PTPN1: variants seen among roughly 807,000 people sequenced by gnomAD.
PTPN1 encodes the protein tyrosine-protein phosphatase non-receptor type 1.
A neutral mutation model predicts 59.9 loss-of-function variants in PTPN1; 12 were observed. That is an observed-to-expected ratio of 0.20 (90% CI 0.13 to 0.32). The LOEUF is 0.32. Ranked by LOEUF, PTPN1 falls within the 10% of genes least tolerant of loss-of-function variation. The pLI, the probability that PTPN1 is intolerant of heterozygous loss-of-function variation, is 1.00. For synonymous variants in PTPN1, 178 were observed against 203.6 expected (o/e 0.87, Z 1.07); for missense variants, 356 against 549.2 (o/e 0.65, Z 3.52).
intron 4 of PTPN1, 143 bp from the exon 5 acceptor site, chr20:50,574,374 C>T (rs775377289): frequency 5.9e-5 from 48 of 811,642 alleles, no homozygotes; most frequent in Non-Finnish European, 8.1e-5. Flanking sequence ...ATGAGGCAGG[C>T]ATCTGTGCTG....
chr20:50,541,263 C>T (rs925560409), intron 1 of PTPN1, among the ~76,000 whole-genome samples: 11 of 152,174 alleles, frequency 7.2e-5, no homozygotes, highest in Non-Finnish European at 1.0e-4. Context: ...CTTTCTTATG[C>T]GGTTCTTATT....
chr20:50,549,933 A>G (rs1480500759), intron 1 of PTPN1, among the ~76,000 whole-genome samples: 1 of 152,124 alleles, frequency 6.6e-6, no homozygotes, highest in Non-Finnish European at 1.5e-5. Flanking sequence ...ACCTCTGATG[A>G]TTTGTATATT....
intron 2 of PTPN1, among the ~76,000 whole-genome samples, chr20:50,563,969 A>G (rs2082766318): frequency 6.6e-6 from 1 of 152,038 alleles, no homozygotes; most frequent in Non-Finnish European, 1.5e-5. Flanking sequence ...AATTTAATAT[A>G]CTTTCAGTGT....
chr20:50,550,485 G>C (rs2082697584), intron 1 of PTPN1, among the ~76,000 whole-genome samples: 1 of 152,242 alleles, frequency 6.6e-6, no homozygotes, highest in African/African-American at 2.4e-5. Flanking sequence ...TCAGAAGGCT[G>C]TGTGGGTCAA....
At chr20:50,526,834 C>A (rs529715509) in intron 1 of PTPN1, among the ~76,000 whole-genome samples, 1 of 152,266 alleles carries the variant, frequency 6.6e-6, no homozygotes, top group African/African-American at 2.4e-5. Flanking sequence ...TACCTACCAC[C>A]TCTAGCCCTG....
In PTPN1 at chr20:50,585,036, TAAC is replaced by T. The variant is rs1555833070; in HGVS notation, c.*2324_*2326del. The stretch of plus-strand genomic sequence containing the variant: ...GCCTGTGTAGGGCCCTCAGATAACT[TAAC>T]AAACTTACCAGTGTTGTTTGAAGAA... On this transcript the variant is annotated 3_prime_UTR_variant, in exon 10 of 10. Transcript: ENST00000371621. The T allele has an allele frequency of 1.3e-5, 2 of 152,166 alleles. No individual in the cohort carries two copies. Among genetic ancestry groups the T allele is most frequent in the Non-Finnish European group, 1.5e-5 (1 of 68,022 alleles). 9.4% of individuals were successfully genotyped at this position (152,166 alleles called of 1,614,324 possible).
chr20:50,542,810 G>C (rs563580463), intron 1 of PTPN1, among the ~76,000 whole-genome samples: 2 of 152,294 alleles, frequency 1.3e-5, no homozygotes, highest in East Asian at 3.9e-4. Flanking sequence ...CCATTGTATA[G>C]ACAATTTATT....
chr20:50,574,252 T>C (rs1302712797), intron 4 of PTPN1: 2 of 437,386 alleles, frequency 4.6e-6, no homozygotes, highest in Non-Finnish European at 8.0e-6. Flanking sequence ...GTCAGAGCCC[T>C]GCAGGATCCC....
At chr20:50,516,264 G>A (rs1380720265) in intron 1 of PTPN1, among the ~76,000 whole-genome samples, 1 of 150,220 alleles carries the variant, frequency 6.7e-6, no homozygotes, top group African/African-American at 2.5e-5. Flanking sequence ...GACATTCTTT[G>A]GCCTTTGATC....
At chr20:50,579,510 G>C (rs2082854595) in intron 7 of PTPN1, among the ~76,000 whole-genome samples, 181 bp downstream of exon 7, 1 of 152,248 alleles carries the variant, frequency 6.6e-6, no homozygotes, top group African/African-American at 2.4e-5. Flanking sequence ...TGCCTTTGAA[G>C]TGCTCACATA....
At chr20:50,518,105 T>C (rs2082536905) in intron 1 of PTPN1, among the ~76,000 whole-genome samples, 1 of 152,228 alleles carries the variant, frequency 6.6e-6, no homozygotes, top group African/African-American at 2.4e-5. Flanking sequence ...TTTTTTCCTT[T>C]CTTAATGGAT....
At chr20:50,555,544 A>C (rs2082722498) in intron 1 of PTPN1, among the ~76,000 whole-genome samples, 1 of 152,220 alleles carries the variant, frequency 6.6e-6, no homozygotes. Flanking sequence ...TATTATTTGT[A>C]AAATATACCT....
At chr20:50,544,527 A>G (rs142640918) in intron 1 of PTPN1, among the ~76,000 whole-genome samples, 29 of 152,326 alleles carry the variant, frequency 1.9e-4, no homozygotes, top group Admixed American at 1.9e-3. Flanking sequence ...TGATGGTTTT[A>G]AAATACGTAA....
chr20:50,572,051 A>T (rs1287288506), intron 4 of PTPN1: 1 of 152,250 alleles, frequency 6.6e-6, no homozygotes, highest in Non-Finnish European at 1.5e-5. Flanking sequence ...ATTACCCGTC[A>T]CAGGGTTACT....
chr20:50,580,593 A>C (rs899972670), intron 8 of PTPN1, among the ~76,000 whole-genome samples: 7 of 152,204 alleles, frequency 4.6e-5, no homozygotes, highest in Non-Finnish European at 1.0e-4. Flanking sequence ...CAGAATGAGC[A>C]GGTGTTAGTT....
intron 2 of PTPN1, among the ~76,000 whole-genome samples, chr20:50,562,014 C>T (rs1037001901): frequency 1.3e-5 from 2 of 152,186 alleles, no homozygotes; most frequent in Non-Finnish European, 2.9e-5. Context: ...TGTCCGCCTT[C>T]TGAGTGATTG....
chr20:50,551,321 G>C (rs1473162403), intron 1 of PTPN1, among the ~76,000 whole-genome samples: 1 of 152,212 alleles, frequency 6.6e-6, no homozygotes, highest in African/African-American at 2.4e-5. Flanking sequence ...CAGCTCAGCA[G>C]ATGCTTTGTT....
chr20:50,539,201 A>C (rs1305344034), intron 1 of PTPN1, among the ~76,000 whole-genome samples: 1 of 144,602 alleles, frequency 6.9e-6, no homozygotes, highest in Non-Finnish European at 1.5e-5. Flanking sequence ...ACCCCTGGCA[A>C]ATTTTGTATT....
chr20:50,562,584 A>T (rs1482934117), intron 2 of PTPN1, among the ~76,000 whole-genome samples: 1 of 152,216 alleles, frequency 6.6e-6, no homozygotes, highest in Non-Finnish European at 1.5e-5. Context: ...ACGCAGACAT[A>T]AGTGCTCAGT....
Sources: gnomAD v4.1 joint callset for allele counts (sites outside exome capture counted in the v4.1 genomes callset) on GRCh38, gnomAD v4.1.1 for gene constraint, MANE v1.5 for transcripts, NCBI Gene and HGNC (gene_info 2026-07-23, HGNC 2026-07-21) for gene names.